JMJD1C: variants seen among roughly 807,000 people sequenced by gnomAD.
JMJD1C encodes jumonji domain containing 1C, also known as jumonji domain-containing protein 1C.
JMJD1C carries 31 observed loss-of-function variants against 245.3 expected under a neutral mutation model. The observed-to-expected ratio is 0.13, with a 90% CI of 0.09 to 0.17. The LOEUF (loss-of-function observed/expected upper bound fraction) is 0.17. Among genes scored for constraint, JMJD1C ranks in the 10% least tolerant of loss-of-function variants. JMJD1C has a pLI of 1.00. For missense variants in JMJD1C, 2,691 were observed against 3,000.2 expected (o/e 0.90, Z 2.41); for synonymous variants, 1,057 against 1,017.4 (o/e 1.04, Z -0.74).
chr10:63,414,033 C>A (rs1949654052), intron 1 of JMJD1C, among the ~76,000 whole-genome samples: 1 of 142,836 alleles, frequency 7.0e-6, no homozygotes, highest in Admixed American at 7.2e-5. Context: ...GTCGACCAGG[C>A]TGGAGTGCAG....
intron 2 of JMJD1C, among the ~76,000 whole-genome samples, chr10:63,313,093 T>A (rs921160834): frequency 6.6e-6 from 1 of 152,098 alleles, no homozygotes; most frequent in African/African-American, 2.4e-5. Flanking sequence ...TATCACTCAA[T>A]CCCCACCCAC....
intron 1 of JMJD1C, among the ~76,000 whole-genome samples, chr10:63,492,682 TATAAA>T (rs572675308): frequency 1.3e-5 from 2 of 151,024 alleles, no homozygotes; most frequent in East Asian, 1.9e-4. Context: ...CTCAAAACAA[TATAAA>T]ATAAAATAAA....
At chr10:63,521,408 G>C (rs538862874) in intron 1 of JMJD1C, 1 of 233,040 alleles carries the variant, frequency 4.3e-6, no homozygotes, top group Admixed American at 6.4e-5. Context: ...CGCACACACC[G>C]GGCCCGGCTC....
intron 3 of JMJD1C, among the ~76,000 whole-genome samples, chr10:63,253,436 T>C (rs141892751): frequency 6.6e-6 from 1 of 151,904 alleles, no homozygotes; most frequent in African/African-American, 2.4e-5. Flanking sequence ...CAGGCTGTAG[T>C]GCACAGGCAC....
At chr10:63,465,408 G>A (rs1188767203) in intron 1 of JMJD1C, 87 bp downstream of exon 1, 15 of 1,330,274 alleles carry the variant, frequency 1.1e-5, no homozygotes, top group African/African-American at 2.9e-5. Flanking sequence ...CGGGCTGAGC[G>A]AGGCGCCAGA....
At chr10:63,489,360 A>G (rs1409987082) in intron 1 of JMJD1C, 1 of 152,780 alleles carries the variant, frequency 6.5e-6, no homozygotes. Flanking sequence ...AGATCGCACT[A>G]CCGCACTGCA....
chr10:63,438,603 T>A (rs1267528496), intron 1 of JMJD1C, among the ~76,000 whole-genome samples: 1 of 152,188 alleles, frequency 6.6e-6, no homozygotes, highest in Non-Finnish European at 1.5e-5. Flanking sequence ...TCCCCTGCCA[T>A]CCTGTTCCCC....
At chr10:63,375,183 CTT>C (rs67008681) in intron 2 of JMJD1C, among the ~76,000 whole-genome samples, 5 of 92,962 alleles carry the variant, frequency 5.4e-5, no homozygotes, top group South Asian at 4.3e-4. Context: ...TAAAAATTGG[CTT>C]TTTTTTTTTT....
intron 3 of JMJD1C, among the ~76,000 whole-genome samples, chr10:63,255,707 T>G (rs1853808863): frequency 6.6e-6 from 1 of 152,182 alleles, no homozygotes; most frequent in Non-Finnish European, 1.5e-5. Flanking sequence ...ATTAATAAAT[T>G]AATATATATC....
At chr10:63,240,215 C>T (rs1851309998) in intron 3 of JMJD1C, among the ~76,000 whole-genome samples, 1 of 151,840 alleles carries the variant, frequency 6.6e-6, no homozygotes, top group Non-Finnish European at 1.5e-5. Flanking sequence ...AAATGTGACA[C>T]GGCTTAGGGT....
chr10:63,168,758 A>G (rs1231429364), intron 24 of JMJD1C, among the ~76,000 whole-genome samples, 192 bp from the exon 25 acceptor site: 1 of 152,242 alleles, frequency 6.6e-6, no homozygotes. Flanking sequence ...CTTCATGTAA[A>G]GTGACTTTGT....
chr10:63,239,865 TAGAC>T (rs1851266838), intron 3 of JMJD1C, among the ~76,000 whole-genome samples: 2 of 152,142 alleles, frequency 1.3e-5, no homozygotes, highest in Admixed American at 6.5e-5. Context: ...ATACAGTAAA[TAGAC>T]AGCAGAAGAC....
intron 1 of JMJD1C, among the ~76,000 whole-genome samples, chr10:63,396,959 C>CA (rs1225118590): frequency 2.1e-5 from 3 of 145,904 alleles, no homozygotes. Flanking sequence ...GACAGGGTCT[C>CA]ACTCTCGTTG....
intron 1 of JMJD1C, among the ~76,000 whole-genome samples, chr10:63,477,987 CATTA>C (rs1336415039): frequency 6.6e-6 from 1 of 152,170 alleles, no homozygotes; most frequent in Non-Finnish European, 1.5e-5. Context: ...CACTCAACAT[CATTA>C]ATTATCAGGG....
At chr10:63,483,238 G>A (rs1464159509) in intron 1 of JMJD1C, among the ~76,000 whole-genome samples, 1 of 152,130 alleles carries the variant, frequency 6.6e-6, no homozygotes, top group African/African-American at 2.4e-5. Flanking sequence ...AAACACCATT[G>A]TCAGTTACAG....
chr10:63,223,150 A>ACC lies in JMJD1C; in HGVS notation c.448-3168_448-3167insGG, dbSNP rs1236048075. ...TTATCTGCAAAAAAAAAAAACCCAA[A>ACC]CAAACAAAAACTTCCATACATAACC... On this transcript the variant is annotated intron_variant, in intron 3 of 25. Transcript: ENST00000399262. The ACC allele has an allele frequency of 1.4e-4, 77 of 570,102 alleles. No individual in the cohort carries two copies. In the South Asian group the frequency reaches 1.8e-3, roughly 13 times the overall value. 35.3% of individuals were successfully genotyped at this position (570,102 alleles called of 1,614,324 possible).
At chr10:63,277,837 A>G (rs1856971577) in intron 2 of JMJD1C, among the ~76,000 whole-genome samples, 1 of 143,176 alleles carries the variant, frequency 7.0e-6, no homozygotes, top group African/African-American at 2.6e-5. Context: ...TCTTGGTTCA[A>G]AAGATTCTCC....
intron 12 of JMJD1C, 116 bp from the exon 13 acceptor site, chr10:63,197,679 A>AT: frequency 1.2e-6 from 1 of 837,062 alleles, no homozygotes; most frequent in Non-Finnish European, 1.8e-6. Context: ...TTTCAAGGCT[A>AT]TATTAACTGA....
At chr10:63,480,509 C>T (rs1199039052) in intron 1 of JMJD1C, among the ~76,000 whole-genome samples, 4 of 151,850 alleles carry the variant, frequency 2.6e-5, no homozygotes, top group Non-Finnish European at 4.4e-5. Flanking sequence ...AAAGCCAACA[C>T]AACTCCAGGG....
Sources: allele counts gnomAD v4.1 joint callset (sites outside exome capture counted in the v4.1 genomes callset), GRCh38; gene constraint gnomAD v4.1.1; transcripts MANE v1.5; gene names NCBI Gene and HGNC (gene_info 2026-07-23, HGNC 2026-07-21).